Variants in NEGR1 observed in about 807,000 individuals in gnomAD.
NEGR1 encodes the protein IgLON family member 4.
NEGR1 carries 10 observed loss-of-function variants against 40.9 expected under a neutral mutation model. The ratio of observed to expected loss-of-function variants is 0.24; its 90% CI spans 0.15 to 0.42. The LOEUF (loss-of-function observed/expected upper bound fraction) is 0.42. NEGR1 is among the 10% of genes least tolerant of loss of function. NEGR1 has a pLI of 1.00. For synonymous variants in NEGR1, 185 were observed against 166.8 expected, an observed-to-expected ratio of 1.11 and a Z score of -0.84; for missense variants, 352 against 438.9, an observed-to-expected ratio of 0.80 and a Z score of 1.77.
intron 1 of NEGR1, among the ~76,000 whole-genome samples, chr1:71,949,920 C>G (rs1435414279): frequency 6.6e-6 from 1 of 151,762 alleles, no homozygotes; most frequent in Non-Finnish European, 1.5e-5. Flanking sequence ...GTTTTCTTTC[C>G]TATGTTTCTG....
intron 5 of NEGR1, among the ~76,000 whole-genome samples, chr1:71,609,243 C>T (rs930356901): frequency 3.3e-5 from 5 of 151,720 alleles, no homozygotes; most frequent in East Asian, 1.9e-4. Flanking sequence ...TGGCCGGGCG[C>T]GGTGGCTCAC....
chr1:71,802,901 A>G (rs1557658102), intron 2 of NEGR1, among the ~76,000 whole-genome samples: 1 of 151,312 alleles, frequency 6.6e-6, no homozygotes, highest in African/African-American at 2.5e-5. Context: ...CCTATATTCT[A>G]TTTAGATGAT....
intron 2 of NEGR1, among the ~76,000 whole-genome samples, chr1:71,796,067 C>T (rs193038878): frequency 3.3e-5 from 5 of 152,260 alleles, no homozygotes; most frequent in Admixed American, 6.5e-5. Context: ...GCTAATGTTG[C>T]TCTCCTAACT....
At chr1:71,816,361 G>T (rs1158128608) in intron 2 of NEGR1, among the ~76,000 whole-genome samples, 1 of 152,010 alleles carries the variant, frequency 6.6e-6, no homozygotes, top group Non-Finnish European at 1.5e-5. Flanking sequence ...CTGCTATGAA[G>T]AAATAACTGA....
intron 6 of NEGR1, among the ~76,000 whole-genome samples, chr1:71,538,369 G>A (rs1647579739): frequency 6.6e-6 from 1 of 151,664 alleles, no homozygotes; most frequent in South Asian, 2.1e-4. Flanking sequence ...TTATCTTTAT[G>A]TTATTATACA....
intron 4 of NEGR1, among the ~76,000 whole-genome samples, chr1:71,641,961 A>G (rs1210289705): frequency 2.6e-5 from 4 of 151,964 alleles, no homozygotes. Context: ...CTTCTTTAGG[A>G]TGATCCATAT....
At chr1:72,097,152 T>TA (rs1307812416) in intron 1 of NEGR1, among the ~76,000 whole-genome samples, 1 of 152,202 alleles carries the variant, frequency 6.6e-6, no homozygotes, top group African/African-American at 2.4e-5. Flanking sequence ...TTATAATGAT[T>TA]AAAAGTAAAG....
chr1:71,884,965 G>A (rs1487581721), intron 2 of NEGR1, among the ~76,000 whole-genome samples: 2 of 152,128 alleles, frequency 1.3e-5, no homozygotes, highest in East Asian at 3.8e-4. Flanking sequence ...AGTGCCAGGT[G>A]CTTTCTTAAT....
chr1:72,202,449 G>A (rs1288549743), intron 1 of NEGR1, among the ~76,000 whole-genome samples: 1 of 151,938 alleles, frequency 6.6e-6, no homozygotes, highest in Admixed American at 6.6e-5. Context: ...AGACTCTAAA[G>A]ACTAGATCTC....
intron 1 of NEGR1, among the ~76,000 whole-genome samples, chr1:72,229,213 G>C (rs906281176): frequency 1.3e-5 from 2 of 151,694 alleles, no homozygotes; most frequent in African/African-American, 4.8e-5. Flanking sequence ...GACACAAATA[G>C]TAACATCACA....
intron 2 of NEGR1, among the ~76,000 whole-genome samples, chr1:71,779,020 C>A (rs887940997): frequency 6.1e-4 from 93 of 152,110 alleles, no homozygotes; most frequent in African/African-American, 2.2e-3. Flanking sequence ...CAATTGCCTT[C>A]CAGGGCCTCA....
chr1:71,914,378 A>C (rs1368753345), intron 2 of NEGR1, among the ~76,000 whole-genome samples: 1 of 152,204 alleles, frequency 6.6e-6, no homozygotes, highest in Non-Finnish European at 1.5e-5. Context: ...TTTTTCCCAC[A>C]TTTCACAGAA....
Position 71,759,596 on chromosome 1 carries a change from CTTTTTTTTTTTTTTTT to C in NEGR1, c.535+16560_535+16575del, listed in dbSNP as rs71074804. ...ACAGGCGTGAGCCACTGCGTCCAGG[CTTTTTTTTTTTTTTTT>C]TTTTTTTTTTTTTTTGAGACGGAGT... On this transcript the variant is annotated intron_variant, in intron 3 of 6. Coordinates refer to ENST00000357731, the MANE Select transcript of NEGR1 (RefSeq NM_173808.3). 7.8e-4 allele frequency among the ~76,000 whole-genome samples: 25 copies of C among 31,964 alleles called. 2 individuals are homozygous for C. In the East Asian group the frequency reaches 8.5e-3, roughly 11 times the overall value. The allele number at this position is 31,964 out of a possible 152,430, so 21.0% of individuals were successfully genotyped here.
intron 1 of NEGR1, among the ~76,000 whole-genome samples, chr1:72,073,925 G>A (rs1647592378): frequency 6.6e-6 from 1 of 152,038 alleles, no homozygotes; most frequent in African/African-American, 2.4e-5. Flanking sequence ...AATGACAAAT[G>A]ATACTGGATG....
intron 2 of NEGR1, among the ~76,000 whole-genome samples, chr1:71,781,923 CT>C (rs1444962534): frequency 2.6e-5 from 4 of 152,152 alleles, no homozygotes; most frequent in African/African-American, 9.7e-5. Flanking sequence ...ACGGTGACTT[CT>C]CATACCTCAA....
intron 2 of NEGR1, among the ~76,000 whole-genome samples, chr1:71,830,492 T>C (rs1386314147): frequency 6.6e-6 from 1 of 151,866 alleles, no homozygotes; most frequent in East Asian, 1.9e-4. Context: ...AGACTTGGCC[T>C]ACAAATGGTA....
At chr1:71,883,650 T>C (rs574180039) in intron 2 of NEGR1, among the ~76,000 whole-genome samples, 6 of 152,222 alleles carry the variant, frequency 3.9e-5, no homozygotes, top group African/African-American at 1.4e-4. Flanking sequence ...TATGTATACA[T>C]GCGCCGTGTT....
At position 71,682,888 on chromosome 1, in the gene NEGR1, CT is replaced by C. The variant is rs1278153953; in HGVS notation, c.667+15119del. ...CCTTCCTCTCTCTTGCTTTCTTCCT[CT>C]TTCCATGTGATGATTGCTCCCCTTT... On this transcript the variant is annotated intron_variant, in intron 4 of 6. Coordinates refer to ENST00000357731, the MANE Select transcript of NEGR1 (RefSeq NM_173808.3). Among the ~76,000 whole-genome samples, 6 of 152,140 alleles carry C rather than the reference CT, an allele frequency of 3.9e-5. No homozygotes were observed. In the East Asian group the frequency reaches 1.2e-3, roughly 29 times the overall value.
intron 2 of NEGR1, among the ~76,000 whole-genome samples, chr1:71,803,872 T>C (rs1476505162): frequency 6.6e-6 from 1 of 152,170 alleles, no homozygotes; most frequent in Non-Finnish European, 1.5e-5. Context: ...CTTCAGTGCC[T>C]AGAATAGATT....
Sources: gnomAD v4.1 joint callset for allele counts (sites outside exome capture counted in the v4.1 genomes callset) on GRCh38, gnomAD v4.1.1 for gene constraint, MANE v1.5 for transcripts, NCBI Gene and HGNC (gene_info 2026-07-23, HGNC 2026-07-21) for gene names.